XYLT1: variants seen among roughly 807,000 people sequenced by gnomAD.
XYLT1 encodes beta-D-xylosyltransferase 1.
A neutral mutation model predicts 91.3 loss-of-function variants in XYLT1; 36 were observed. The ratio of observed to expected loss-of-function variants is 0.39; its 90% CI spans 0.30 to 0.52. The LOEUF is 0.52. Ranked by LOEUF, XYLT1 falls within the 20% of genes least tolerant of loss-of-function variation. XYLT1 has a pLI of 0.68. For missense variants in XYLT1, 1,242 were observed against 1,284.5 expected (o/e 0.97, Z 0.51); for synonymous variants, 588 against 532.0 (o/e 1.11, Z -1.45).
chr16:17,193,683 C>T (rs961748465), intron 5 of XYLT1: 1 of 152,254 alleles, frequency 6.6e-6, no homozygotes, highest in African/African-American at 2.4e-5. Flanking sequence ...TTTGAGAAGA[C>T]TCCTAAGTTT....
intron 2 of XYLT1, among the ~76,000 whole-genome samples, chr16:17,262,723 G>C (rs1450865649): frequency 1.3e-5 from 2 of 152,154 alleles, no homozygotes; most frequent in African/African-American, 4.8e-5. Flanking sequence ...ACTCCTGCTG[G>C]TGGAGGTCAT....
intron 2 of XYLT1, among the ~76,000 whole-genome samples, chr16:17,280,501 A>T (rs2034041728): frequency 6.6e-6 from 1 of 152,242 alleles, no homozygotes; most frequent in Non-Finnish European, 1.5e-5. Flanking sequence ...TTATGAAATA[A>T]TTCAAAATGT....
chr16:17,277,281 G>A (rs1321715479), intron 2 of XYLT1, among the ~76,000 whole-genome samples: 1 of 152,062 alleles, frequency 6.6e-6, no homozygotes, highest in East Asian at 1.9e-4. Flanking sequence ...GTGTGATGCT[G>A]AAGTATGGAG....
At chr16:17,117,614 A>G (rs1347178504) in intron 11 of XYLT1, 32 bp downstream of exon 11, 4 of 1,588,630 alleles carry the variant, frequency 2.5e-6, no homozygotes, top group African/African-American at 2.7e-5. Context: ...GGGAAGGAGT[A>G]TTTCTCCCAC....
chr16:17,207,058 T>C (rs989003503), intron 3 of XYLT1, among the ~76,000 whole-genome samples: 4 of 146,614 alleles, frequency 2.7e-5, no homozygotes, highest in Admixed American at 6.8e-5. Context: ...CTTTCTTTTT[T>C]TTTTTTTTTT....
intron 5 of XYLT1, among the ~76,000 whole-genome samples, chr16:17,177,630 A>C (rs1314033532): frequency 6.6e-6 from 1 of 152,216 alleles, no homozygotes; most frequent in Non-Finnish European, 1.5e-5. Flanking sequence ...CTGATAGTTC[A>C]TTAAAATGTA....
At chr16:17,462,620 T>TG (rs1168655972) in intron 1 of XYLT1, among the ~76,000 whole-genome samples, 1 of 152,138 alleles carries the variant, frequency 6.6e-6, no homozygotes, top group Non-Finnish European at 1.5e-5. Context: ...CAGGTACAAG[T>TG]GGCGGGCTCC....
At chr16:17,294,441 G>A (rs575518685) in intron 2 of XYLT1, among the ~76,000 whole-genome samples, 5 of 152,258 alleles carry the variant, frequency 3.3e-5, no homozygotes, top group South Asian at 4.1e-4. Context: ...TATTTTTATC[G>A]TCTTTCCGCC....
intron 2 of XYLT1, among the ~76,000 whole-genome samples, chr16:17,321,566 C>T (rs542001380): frequency 2.6e-5 from 4 of 151,896 alleles, no homozygotes; most frequent in Admixed American, 1.3e-4. Flanking sequence ...CCATGTTGGG[C>T]AGGCTGGTCT....
intron 2 of XYLT1, chr16:17,338,129 T>C (rs1373970985): frequency 1.8e-5 from 8 of 452,460 alleles, no homozygotes; most frequent in South Asian, 1.2e-4. Flanking sequence ...ACTTTCCCTG[T>C]CCCAGTTCAG....
rs1318064390 is a variant in XYLT1 at position 17,400,629 on chromosome 16, G to GAGGGAGGA, written c.364-42580_364-42579insTCCTCCCT. ...AGAGGGAGGGAGGGAGGGAGGAAGG[G>GAGGGAGGA]AGGAAGGAAGGAAGGAAGGAAGGAA... is the stretch of plus-strand genomic sequence containing the variant. On this transcript the variant is annotated intron_variant, in intron 1 of 11. Transcript: ENST00000261381. Among the ~76,000 whole-genome samples, 247 of 132,738 alleles carry GAGGGAGGA rather than the reference G, an allele frequency of 1.9e-3. 5 individuals carry two copies. The highest frequency in any genetic ancestry group is 3.8e-3 in the Middle Eastern group (1 of 262). 87.1% of individuals were successfully genotyped at this position (132,738 alleles called of 152,430 possible).
At chr16:17,267,059 A>C (rs1200296895) in intron 2 of XYLT1, among the ~76,000 whole-genome samples, 1 of 152,208 alleles carries the variant, frequency 6.6e-6, no homozygotes, top group Non-Finnish European at 1.5e-5. Flanking sequence ...CTAAGTAAAA[A>C]GCCCTTTGCA....
Position 17,191,303 on chromosome 16 carries a change from C to A in XYLT1, c.1289+6909G>T, listed in dbSNP as rs887018734. ...AACTACAGGAATTCTTTGACCTATT[C>A]GGGTTCCACTTTAGCAGACTAAAGG... On this transcript the variant is annotated intron_variant, in intron 5 of 11. Transcript: ENST00000261381. 2.0e-5 allele frequency among the ~76,000 whole-genome samples: 3 copies of A among 152,314 alleles called. No individual in the cohort carries two copies. The South Asian group carries it at 6.2e-4, about 32-fold the overall frequency.
chr16:17,379,793 A>ACACACACACACACACACACACC (rs71373108), intron 1 of XYLT1, among the ~76,000 whole-genome samples: 10 of 142,440 alleles, frequency 7.0e-5, no homozygotes, highest in South Asian at 2.3e-4. Flanking sequence ...ACACACACAC[A>ACACACACACACACACACACACC]CCCCTTACCT....
At position 17,321,342 on chromosome 16, in the gene XYLT1, C is replaced by CTTTTTTTTTTT. The variant is rs10606202; in HGVS notation, c.402+36659_402+36669dup. Among the ~76,000 whole-genome samples the CTTTTTTTTTTT allele has an allele frequency of 4.6e-4, 20 of 43,622 alleles. 2 individuals are homozygous for CTTTTTTTTTTT. The highest frequency in any genetic ancestry group is 9.1e-4 in the African/African-American group (11 of 12,122). 28.6% of individuals were successfully genotyped at this position (43,622 alleles called of 152,430 possible). A position where few individuals can be genotyped will look rare whatever the true frequency, so the allele number is the denominator to read the frequency against. On this transcript the variant is annotated intron_variant, in intron 2 of 11. Transcript: ENST00000261381. Reference sequence around the variant, plus strand: ...GACAGTTCCCAAAGTACTAACTAGCCTTTTTTTTTTTTTTTTTTTTTTTTT... The same window carrying CTTTTTTTTTTT: ...GACAGTTCCCAAAGTACTAACTAGCCTTTTTTTTTTTTTTTTTTTTTTTTTTTTTTTTTTTT...
At chr16:17,452,354 G>T in intron 1 of XYLT1, among the ~76,000 whole-genome samples, 1 of 143,852 alleles carries the variant, frequency 7.0e-6, no homozygotes, top group African/African-American at 2.6e-5. Context: ...CTGGCACCAT[G>T]GCTCACACCT....
At chr16:17,112,862 CG>C (rs779859239) in intron 11 of XYLT1, among the ~76,000 whole-genome samples, 5 of 152,056 alleles carry the variant, frequency 3.3e-5, no homozygotes, top group African/African-American at 1.2e-4. Context: ...TTTTTTGAGA[CG>C]GAGTCTCGCT....
At chr16:17,392,795 T>C (rs1391611983) in intron 1 of XYLT1, among the ~76,000 whole-genome samples, 2 of 152,166 alleles carry the variant, frequency 1.3e-5, no homozygotes, top group Admixed American at 6.5e-5. Flanking sequence ...AAGACAAGAC[T>C]AGAAATCATC....
intron 1 of XYLT1, among the ~76,000 whole-genome samples, chr16:17,381,421 CTTT>C (rs11299875): frequency 6.1e-5 from 8 of 130,108 alleles, no homozygotes; most frequent in African/African-American, 2.7e-4. Flanking sequence ...AAGGCAACAC[CTTT>C]TTTTTTTTTT....
Sources: gnomAD v4.1 joint callset for allele counts (sites outside exome capture counted in the v4.1 genomes callset) on GRCh38, gnomAD v4.1.1 for gene constraint, MANE v1.5 for transcripts, NCBI Gene and HGNC (gene_info 2026-07-23, HGNC 2026-07-21) for gene names.